The following BAZ1B variants were observed in gnomAD, a reference collection of about 807,000 sequenced individuals.
BAZ1B encodes bromodomain adjacent to zinc finger domain 1B.
A neutral mutation model predicts 153.8 loss-of-function variants in BAZ1B; 22 were observed. The ratio of observed to expected loss-of-function variants is 0.14; its 90% CI spans 0.10 to 0.20. The LOEUF is 0.20. Among genes scored for constraint, BAZ1B ranks in the 10% least tolerant of loss-of-function variants. The pLI is 1.00. For synonymous variants in BAZ1B, 676 were observed against 633.4 expected, an observed-to-expected ratio of 1.07 and a Z score of -1.01; for missense variants, 1,325 against 1,799.3, an observed-to-expected ratio of 0.74 and a Z score of 4.77.
chr7:73,508,678 T>C (rs188664235), intron 2 of BAZ1B, among the ~76,000 whole-genome samples: 2 of 152,328 alleles, frequency 1.3e-5, no homozygotes, highest in Non-Finnish European at 2.9e-5. Flanking sequence ...CTCAGGTAGC[T>C]GGGACCACAG....
Position 73,450,720 on chromosome 7 carries a change from G to T in BAZ1B, c.3580+127C>A. ...AGACTGGCATGTTACAGACCTGCAG[G>T]AGAGTAAAATCTATACCACACTTAT... On this transcript the variant is annotated intron_variant, in intron 14 of 19. Transcript: ENST00000339594. This position sits in a 1 kb window ranked among gnomAD's most constrained non-coding sequence, Gnocchi z 4.1. 9.1e-7 allele frequency: 1 copy of T among 1,103,350 alleles called. No homozygotes were observed. The highest frequency in any genetic ancestry group is 1.3e-6 in the Non-Finnish European group (1 of 770,670). The allele number at this position is 1,103,350 out of a possible 1,614,324, so 68.3% of individuals were successfully genotyped here. A position where few individuals can be genotyped will look rare whatever the true frequency, so the allele number is the denominator to read the frequency against.
At position 73,441,287 on chromosome 7, in the gene BAZ1B, A is replaced by G. The variant is rs192393225; in HGVS notation, c.*422T>C. 6.6e-6 allele frequency: 1 copy of G among 152,654 alleles called. No individual in the cohort carries two copies. The highest frequency in any genetic ancestry group is 2.4e-5 in the African/African-American group (1 of 41,454). The allele number at this position is 152,654 out of a possible 1,614,324, so 9.5% of individuals were successfully genotyped here. A position where few individuals can be genotyped will look rare whatever the true frequency, so the allele number is the denominator to read the frequency against. ...TCTTACAAGATGTTCTTTATACAATATCACTGCTGAAACAAGCAACTTTTA... is the reference window on the plus strand; with the variant it reads ...TCTTACAAGATGTTCTTTATACAATGTCACTGCTGAAACAAGCAACTTTTA... On this transcript the variant is annotated 3_prime_UTR_variant, in exon 20 of 20. Transcript: ENST00000339594.
Position 73,521,971 on chromosome 7 carries a change from C to A in BAZ1B, c.-38G>T, listed in dbSNP as rs782623220. The A allele has an allele frequency of 7.4e-6, 10 of 1,354,384 alleles. No homozygotes were observed. In the African/African-American group the frequency reaches 1.2e-4, roughly 17 times the overall value. The allele number at this position is 1,354,384 out of a possible 1,614,324, so 83.9% of individuals were successfully genotyped here. On this transcript the variant is annotated 5_prime_UTR_variant, in exon 1 of 20. Coordinates refer to ENST00000339594, the MANE Select transcript of BAZ1B (RefSeq NM_032408.4). ...GGTGGGGACTGGCGGCTGCTGGGGC[C>A]GGCCCCGCGGCGCAGCACTAGGCCC...
chr7:73,443,462 C>T (rs1290832695), intron 17 of BAZ1B, among the ~76,000 whole-genome samples: 2 of 152,292 alleles, frequency 1.3e-5, no homozygotes, highest in Admixed American at 1.3e-4. Context: ...TTATGATCTC[C>T]CAAATGGCCT....
At chr7:73,499,231 T>A (rs1554576786) in intron 3 of BAZ1B, among the ~76,000 whole-genome samples, 4 of 152,184 alleles carry the variant, frequency 2.6e-5, no homozygotes, top group Non-Finnish European at 5.9e-5. Flanking sequence ...TTTCACCATG[T>A]TTGCCAGGCT....
intron 1 of BAZ1B, among the ~76,000 whole-genome samples, chr7:73,519,918 G>A (rs1234125412): frequency 4.6e-5 from 7 of 151,982 alleles, no homozygotes; most frequent in Non-Finnish European, 8.8e-5. Context: ...TTAAAAAGTA[G>A]GGTACTGGCC....
At chr7:73,511,624 C>A (rs1790583290) in intron 1 of BAZ1B, among the ~76,000 whole-genome samples, 1 of 151,878 alleles carries the variant, frequency 6.6e-6, no homozygotes, top group Admixed American at 6.6e-5. Flanking sequence ...TACGCTGTAC[C>A]AAAAACTCAT....
chr7:73,506,889 T>C (rs1554577857), intron 3 of BAZ1B, among the ~76,000 whole-genome samples: 1 of 145,092 alleles, frequency 6.9e-6, no homozygotes, highest in Non-Finnish European at 1.5e-5. Context: ...GTCTTTTTTT[T>C]TTTTTTTGAG....
rs1788004202 is a variant in BAZ1B, at chr7:73,450,801, C to T, written c.3580+46G>A. The T allele has an allele frequency of 1.9e-6, 3 of 1,590,596 alleles. No individual in the cohort carries two copies. The highest frequency in any genetic ancestry group is 1.3e-5 in the African/African-American group (1 of 74,478). The stretch of plus-strand genomic sequence containing the variant: ...AAATGAAGATCTTGGGAATAGAAAT[C>T]CTACTCCCTAATATACCCACATAAG... On this transcript the variant is annotated intron_variant, in intron 14 of 19. Coordinates refer to ENST00000339594, the MANE Select transcript of BAZ1B (RefSeq NM_032408.4). This position sits in a 1 kb window ranked among gnomAD's most constrained non-coding sequence, Gnocchi z 4.1.
At chr7:73,468,811 A>T (rs1293550281) in intron 9 of BAZ1B, among the ~76,000 whole-genome samples, 1 of 152,138 alleles carries the variant, frequency 6.6e-6, no homozygotes, top group Non-Finnish European at 1.5e-5. Context: ...TTCAGCATAA[A>T]CACTGAATAA....
At chr7:73,443,039 C>T (rs183658382) in intron 17 of BAZ1B, among the ~76,000 whole-genome samples, 6 of 152,202 alleles carry the variant, frequency 3.9e-5, no homozygotes, top group Non-Finnish European at 7.3e-5. Context: ...TCGCCTCCCC[C>T]GGGGCCACGG....
chr7:73,461,196 G>A (rs1788385307), intron 12 of BAZ1B, among the ~76,000 whole-genome samples: 1 of 152,014 alleles, frequency 6.6e-6, no homozygotes, highest in Admixed American at 6.6e-5. Context: ...GACTGGTCTC[G>A]AACTCCCAAC....
At chr7:73,492,372 C>T (rs552843414) in intron 5 of BAZ1B, among the ~76,000 whole-genome samples, 87 of 152,198 alleles carry the variant, frequency 5.7e-4, no homozygotes, top group Non-Finnish European at 1.2e-3. Flanking sequence ...CCATGTTAGC[C>T]GGGATGGTCT....
intron 1 of BAZ1B, among the ~76,000 whole-genome samples, chr7:73,521,031 A>G (rs1472835047): frequency 6.6e-6 from 1 of 152,222 alleles, no homozygotes; most frequent in Non-Finnish European, 1.5e-5. Context: ...TCATGACGAG[A>G]GGATGCTTCC....
At chr7:73,462,802 G>A (rs1788438714) in intron 12 of BAZ1B, 120 bp downstream of exon 12, 3 of 1,156,960 alleles carry the variant, frequency 2.6e-6, no homozygotes, top group Admixed American at 2.0e-5. Flanking sequence ...TGTCTTCCAA[G>A]ACAAATCCAA....
intron 16 of BAZ1B, among the ~76,000 whole-genome samples, chr7:73,445,576 C>G (rs1292959406): frequency 2.6e-5 from 4 of 152,072 alleles, no homozygotes; most frequent in Non-Finnish European, 5.9e-5. Flanking sequence ...TATTCAGGAT[C>G]TGCCCTCAGA....
Position 73,480,988 on chromosome 7 carries a change from G to T in BAZ1B, c.892-2419C>A, listed in dbSNP as rs567305134. 1.8e-4 allele frequency among the ~76,000 whole-genome samples: 27 copies of T among 152,124 alleles called. No homozygotes were observed. The South Asian group carries it at 4.4e-3, about 25-fold the overall frequency. On this transcript the variant is annotated intron_variant, in intron 6 of 19. Coordinates refer to ENST00000339594, the MANE Select transcript of BAZ1B (RefSeq NM_032408.4). ...GTCTCCCAGTCCGGAGTGCAGTAGC[G>T]CAATCCTGGCTCACTGCAACCTCCA...
chr7:73,443,583 G>A (rs1367959125), intron 17 of BAZ1B, among the ~76,000 whole-genome samples: 1 of 152,130 alleles, frequency 6.6e-6, no homozygotes, highest in East Asian at 1.9e-4. Context: ...AAATTACATT[G>A]GTTAAGGAGC....
At chr7:73,466,697 A>T (rs188944828) in intron 9 of BAZ1B, among the ~76,000 whole-genome samples, 1 of 152,318 alleles carries the variant, frequency 6.6e-6, no homozygotes, top group East Asian at 1.9e-4. Context: ...AAGCAAAATA[A>T]AGAATTTACT....
Sources: allele counts gnomAD v4.1 joint callset (sites outside exome capture counted in the v4.1 genomes callset), GRCh38; gene constraint gnomAD v4.1.1; non-coding constraint Gnocchi (gnomAD v3.1); transcripts MANE v1.5; gene names NCBI Gene and HGNC (gene_info 2026-07-23, HGNC 2026-07-21).